The following GOT2 variants were observed in gnomAD, a reference collection of about 807,000 sequenced individuals.
GOT2 encodes the protein glutamic-oxaloacetic transaminase 2.
In GOT2, 17 loss-of-function variants were observed where a neutral mutation model predicts 50.0. The ratio of observed to expected loss-of-function variants is 0.34; its 90% CI spans 0.23 to 0.51. The LOEUF is 0.51. Ranked by LOEUF, GOT2 falls within the 20% of genes least tolerant of loss-of-function variation. The pLI, the probability that GOT2 is intolerant of heterozygous loss-of-function variation, is 0.97. For synonymous variants in GOT2, 172 were observed against 204.9 expected (o/e 0.84, Z 1.37); for missense variants, 430 against 559.6 (o/e 0.77, Z 2.34).
Position 58,726,510 on chromosome 16 carries a change from T to TATTTATTTATTTATTTATTC in GOT2, c.90-2609_90-2608insGAATAAATAAATAAATAAAT, listed in dbSNP as rs1555509479. 6.3e-4 allele frequency among the ~76,000 whole-genome samples: 95 copies of TATTTATTTATTTATTTATTC among 151,138 alleles called. No homozygotes were observed. The Middle Eastern group carries it at 0.01, about 16-fold the overall frequency. On this transcript the variant is annotated intron_variant, in intron 1 of 9. Transcript: ENST00000245206. ...TTATTTATTTATTTATTTATTTATT[T>TATTTATTTATTTATTTATTC]TTGAGACGGAGTCTTGCTCTGTCAC... is the stretch of plus-strand genomic sequence containing the variant.
chr16:58,709,387 G>C, intron 9 of GOT2, 30 bp downstream of exon 9: 1 of 1,553,250 alleles, frequency 6.4e-7, no homozygotes, highest in Non-Finnish European at 8.8e-7. Context: ...TGATCAGCTG[G>C]TCTGCTGCAG....
At chr16:58,724,024 G>T in intron 1 of GOT2, 122 bp from the exon 2 acceptor site, 1 of 772,074 alleles carries the variant, frequency 1.3e-6, no homozygotes, top group Non-Finnish European at 2.0e-6. Flanking sequence ...TGCTATCTTG[G>T]CTCACTGCAG....
At position 58,709,566 on chromosome 16, in the gene GOT2, G is replaced by T. The variant is rs138178152; in HGVS notation, c.1021C>A (p.Leu341Met). The T allele has an allele frequency of 1.2e-6, 2 of 1,607,762 alleles. No homozygotes were observed. The highest frequency in any genetic ancestry group is 2.7e-5 in the African/African-American group (2 of 74,970). ...LNTPDLRKQW[L>M]QEVKVMADRI... ...TCAGCCATGACTTTCACTTCTTGCA[G>T]CCTGTAAAGAAACCCTGAGATGCAG... Residue 341 changes from leucine (L) to methionine (M), a missense_variant and splice_region_variant, in exon 9 of 10, where the codon CTG (leucine) becomes ATG (methionine). Coordinates refer to ENST00000245206, the MANE Select transcript of GOT2 (RefSeq NM_002080.4).
chr16:58,729,152 G>A (rs1261379717), intron 1 of GOT2, among the ~76,000 whole-genome samples: 1 of 151,510 alleles, frequency 6.6e-6, no homozygotes, highest in Admixed American at 6.6e-5. Flanking sequence ...CTAGTACCTA[G>A]GCAATAGTAA....
intron 1 of GOT2, among the ~76,000 whole-genome samples, chr16:58,731,037 T>C (rs2044831310): frequency 6.6e-6 from 1 of 151,974 alleles, no homozygotes; most frequent in Non-Finnish European, 1.5e-5. Context: ...GTTTTTAAAC[T>C]GCTTTTCCTC....
At chr16:58,723,993 G>T in intron 1 of GOT2, 91 bp from the exon 2 acceptor site, 1 of 1,205,336 alleles carries the variant, frequency 8.3e-7, no homozygotes, top group Non-Finnish European at 1.2e-6. Flanking sequence ...TTGCTCTGTT[G>T]CCCAGGCTGG....
chr16:58,718,511 T>C lies in GOT2; in HGVS notation c.597+16A>G. The C allele has an allele frequency of 6.4e-7, 1 of 1,561,080 alleles. No homozygotes were observed. Among genetic ancestry groups the C allele is most frequent in the Non-Finnish European group, 8.7e-7 (1 of 1,154,722 alleles). On this transcript the variant is annotated intron_variant, in intron 5 of 9. Coordinates refer to ENST00000245206, the MANE Select transcript of GOT2 (RefSeq NM_002080.4). The stretch of plus-strand genomic sequence containing the variant: ...GGAGTTTTATTCACCTCTCTCACCC[T>C]GAAAGCCACACTTACTGAAATATCC...
chr16:58,727,329 T>A (rs2044795438), intron 1 of GOT2, among the ~76,000 whole-genome samples: 1 of 151,938 alleles, frequency 6.6e-6, no homozygotes, highest in African/African-American at 2.4e-5. Flanking sequence ...CTAGTTTCCT[T>A]GGTTTAGTCA....
chr16:58,716,895 TG>T, intron 6 of GOT2, 82 bp from the exon 7 acceptor site: 1 of 1,326,376 alleles, frequency 7.5e-7, no homozygotes, highest in South Asian at 1.3e-5. Context: ...AAGATGTTTA[TG>T]TGAGGTGGGC....
chr16:58,707,956 T>C lies in GOT2; in HGVS notation c.*215A>G. 2.7e-6 allele frequency: 1 copy of C among 376,198 alleles called. No homozygotes were observed. 23.3% of individuals were successfully genotyped at this position (376,198 alleles called of 1,614,324 possible). A position where few individuals can be genotyped will look rare whatever the true frequency, so the allele number is the denominator to read the frequency against. On this transcript the variant is annotated 3_prime_UTR_variant, in exon 10 of 10. Transcript: ENST00000245206. ...TGGAGAAAAAAGGACCGGGGAGAGT[T>C]TGGTTTAATATTCCAGACGCCAGCC...
At chr16:58,729,077 G>T (rs2044811468) in intron 1 of GOT2, among the ~76,000 whole-genome samples, 1 of 151,866 alleles carries the variant, frequency 6.6e-6, no homozygotes, top group Non-Finnish European at 1.5e-5. Flanking sequence ...TAGTGTTGGT[G>T]CCAGTTCTTT....
intron 8 of GOT2, among the ~76,000 whole-genome samples, chr16:58,715,497 C>T (rs929526811): frequency 2.6e-5 from 4 of 152,120 alleles, no homozygotes; most frequent in African/African-American, 9.7e-5. Flanking sequence ...GATTGCAACA[C>T]TGCACTCCAG....
At chr16:58,714,551 C>CAAA (rs765724020) in intron 8 of GOT2, among the ~76,000 whole-genome samples, 2 of 103,538 alleles carry the variant, frequency 1.9e-5, no homozygotes, top group Admixed American at 9.7e-5. Flanking sequence ...GACTCCGTCT[C>CAAA]AAAAAAAAAA....
intron 8 of GOT2, among the ~76,000 whole-genome samples, chr16:58,714,075 T>C (rs1018961919): frequency 2.6e-5 from 4 of 152,090 alleles, no homozygotes; most frequent in Admixed American, 2.0e-4. Flanking sequence ...TTTTTTATTT[T>C]CTTTTATTTT....
rs992076350 is a variant in GOT2 at position 58,718,703 on chromosome 16, G to A, written c.436-15C>T. ...AAAAATCTTTGCTAAAAGATGGGACGAAAGGAAACAGAAAAATGAACAAAG... is the reference window on the plus strand; with the variant it reads ...AAAAATCTTTGCTAAAAGATGGGACAAAAGGAAACAGAAAAATGAACAAAG... On this transcript the variant is annotated splice_polypyrimidine_tract_variant and intron_variant, in intron 4 of 9. Transcript: ENST00000245206. The A allele has an allele frequency of 6.5e-6, 10 of 1,540,900 alleles. No homozygotes were observed. The highest frequency in any genetic ancestry group is 2.3e-5 in the East Asian group (1 of 43,770).
Position 58,722,245 on chromosome 16 carries a change from T to C in GOT2, c.280A>G (p.Lys94Glu). The change falls in exon 3 of 10, where the codon AAG (lysine) becomes GAG (glutamate). Residue 94 changes from lysine to glutamate, a missense_variant. Coordinates refer to ENST00000245206, the MANE Select transcript of GOT2 (RefSeq NM_002080.4). Reference protein sequence around the residue: ...EAQIAAKNLDKEYLPIGGLAE... With the variant: ...EAQIAAKNLDEEYLPIGGLAE... ...AGTCCCCCAATGGGCAGGTATTCCT[T>C]GTCCAAATTTTTTGCGGCAATCTGG... is the stretch of plus-strand genomic sequence containing the variant. 1 of 1,613,588 alleles carries C rather than the reference T, an allele frequency of 6.2e-7. No homozygotes were observed. Among genetic ancestry groups the C allele is most frequent in the East Asian group, 2.2e-5 (1 of 44,884 alleles).
At chr16:58,708,344 C>T (rs1449429173) in intron 9 of GOT2, 51 bp from the exon 10 acceptor site, 2 of 1,589,200 alleles carry the variant, frequency 1.3e-6, no homozygotes, top group East Asian at 2.3e-5. Context: ...GGGGATTCTC[C>T]CCGGCCTGAC....
chr16:58,722,283 A>G lies in GOT2; in HGVS notation c.247-5T>C, dbSNP rs777452138. ...TGCGGCAATCTGGGCCTCTGCCTAG[A>G]CAAGAGAAAATACATCCATTGAATT... is the stretch of plus-strand genomic sequence containing the variant. On this transcript the variant is annotated splice_polypyrimidine_tract_variant and splice_region_variant and intron_variant, in intron 2 of 9. Transcript: ENST00000245206. 1.9e-6 allele frequency: 3 copies of G among 1,613,034 alleles called. No individual in the cohort carries two copies. Among genetic ancestry groups the G allele is most frequent in the Non-Finnish European group, 2.5e-6 (3 of 1,179,130 alleles).
At chr16:58,718,348 T>C (rs2152095177) in intron 5 of GOT2, 48 bp from the exon 6 acceptor site, 1 of 1,489,806 alleles carries the variant, frequency 6.7e-7, no homozygotes, top group African/African-American at 1.4e-5. Flanking sequence ...TTAAAGGAAA[T>C]GGTTTATCTG....
Sources: gnomAD v4.1 joint callset for allele counts (sites outside exome capture counted in the v4.1 genomes callset) on GRCh38, gnomAD v4.1.1 for gene constraint, MANE v1.5 for transcripts, NCBI Gene and HGNC (gene_info 2026-07-23, HGNC 2026-07-21) for gene names.